Variants in SEMA3C observed in about 807,000 individuals in gnomAD.
SEMA3C encodes the protein semaphorin 3C.
A neutral mutation model predicts 89.4 loss-of-function variants in SEMA3C; 47 were observed. The ratio of observed to expected loss-of-function variants is 0.53; its 90% CI spans 0.42 to 0.67. The LOEUF is 0.67. Among genes scored for constraint, SEMA3C ranks in the 30% least tolerant of loss-of-function variants. The probability of loss-of-function intolerance (pLI) is 0.00; values close to 1 mark genes in which losing one functional copy is unlikely to be tolerated. For missense variants in SEMA3C, 839 were observed against 929.1 expected (o/e 0.90, Z 1.26); for synonymous variants, 310 against 320.2 (o/e 0.97, Z 0.34).
chr7:80,816,682 C>A (rs1789614994), intron 5 of SEMA3C, among the ~76,000 whole-genome samples: 1 of 152,088 alleles, frequency 6.6e-6, no homozygotes, highest in South Asian at 2.1e-4. Flanking sequence ...AAATCATAAC[C>A]CTGTTCATAC....
chr7:80,750,455 TATATATATATATATATATAC>T lies in SEMA3C; in HGVS notation c.1711+794_1711+813del, dbSNP rs1274295118. Among the ~76,000 whole-genome samples the T allele has an allele frequency of 4.1e-4, 25 of 61,380 alleles. No homozygotes were observed. The East Asian group carries it at 5.8e-3, about 14-fold the overall frequency. The allele number at this position is 61,380 out of a possible 152,430, so 40.3% of individuals were successfully genotyped here. A position where few individuals can be genotyped will look rare whatever the true frequency, so the allele number is the denominator to read the frequency against. ...ACGTACATATATATATATATATATATATATATATATATATATATACACACACACACACACACACACACACA... is the reference window on the plus strand; with the variant it reads ...ACGTACATATATATATATATATATATACACACACACACACACACACACACA... On this transcript the variant is annotated intron_variant, in intron 16 of 17. Transcript: ENST00000265361.
At position 80,867,719 on chromosome 7, in the gene SEMA3C, T is replaced by TACAC. The variant is rs10641992; in HGVS notation, c.104-38978_104-38975dup. ...TTTCTATATCGATATGTATAAATCA[T>TACAC]ACACACACACACACACACACATTAA... On this transcript the variant is annotated intron_variant, in intron 2 of 17. Coordinates refer to ENST00000265361, the MANE Select transcript of SEMA3C (RefSeq NM_006379.5). Among the ~76,000 whole-genome samples the TACAC allele has an allele frequency of 9.6e-3, 1,441 of 149,794 alleles. 24 individuals carry two copies. Among genetic ancestry groups the TACAC allele is most frequent in the African/African-American group, 0.031 (1,257 of 41,008 alleles).
At chr7:80,809,605 T>C (rs1241299875) in intron 6 of SEMA3C, among the ~76,000 whole-genome samples, 1 of 152,196 alleles carries the variant, frequency 6.6e-6, no homozygotes, top group East Asian at 1.9e-4. Flanking sequence ...GTATTTTTGA[T>C]AACAGCCATT....
At chr7:80,794,569 C>T (rs144067008) in intron 11 of SEMA3C, among the ~76,000 whole-genome samples, 130 of 152,194 alleles carry the variant, frequency 8.5e-4, no homozygotes, top group African/African-American at 3.0e-3. Flanking sequence ...CTATGTGGCT[C>T]ATCAATTTTC....
chr7:80,820,979 C>G (rs927761545), intron 4 of SEMA3C, among the ~76,000 whole-genome samples: 1 of 152,088 alleles, frequency 6.6e-6, no homozygotes, highest in Non-Finnish European at 1.5e-5. Context: ...TCATGAATTA[C>G]TGGTATTGGT....
intron 11 of SEMA3C, among the ~76,000 whole-genome samples, chr7:80,796,131 G>C (rs1040431455): frequency 6.6e-6 from 1 of 152,142 alleles, no homozygotes; most frequent in Non-Finnish European, 1.5e-5. Context: ...CTGCTCAAAA[G>C]AATCACTGAT....
At chr7:80,819,971 A>C (rs924221512) in intron 4 of SEMA3C, among the ~76,000 whole-genome samples, 3 of 151,792 alleles carry the variant, frequency 2.0e-5, no homozygotes, top group Non-Finnish European at 4.4e-5. Flanking sequence ...ATAAAGAAAG[A>C]CATCAAAAGT....
chr7:80,808,097 T>C (rs1195163966), intron 6 of SEMA3C, among the ~76,000 whole-genome samples: 3 of 152,154 alleles, frequency 2.0e-5, no homozygotes, highest in African/African-American at 7.2e-5. Context: ...AGAAGGCCAA[T>C]GTCTAACTCC....
intron 2 of SEMA3C, among the ~76,000 whole-genome samples, chr7:80,861,349 T>C (rs1022980628): frequency 6.6e-6 from 1 of 152,208 alleles, no homozygotes; most frequent in Non-Finnish European, 1.5e-5. Context: ...ATATATAATA[T>C]GTTTCAGTTA....
chr7:80,900,735 C>A (rs1791858390), intron 2 of SEMA3C, among the ~76,000 whole-genome samples: 1 of 152,150 alleles, frequency 6.6e-6, no homozygotes. Context: ...TGGGAGGGCC[C>A]ATTCACTACT....
chr7:80,901,090 G>A (rs1001164685), intron 2 of SEMA3C, among the ~76,000 whole-genome samples: 10 of 152,300 alleles, frequency 6.6e-5, no homozygotes, highest in South Asian at 4.1e-4. Context: ...GTGGTACAAC[G>A]AATTACTGCA....
At chr7:80,769,367 A>G (rs1259021057) in intron 12 of SEMA3C, among the ~76,000 whole-genome samples, 3 of 152,202 alleles carry the variant, frequency 2.0e-5, no homozygotes, top group Non-Finnish European at 2.9e-5. Context: ...GTTCTGATAG[A>G]TAAAACTATC....
chr7:80,757,841 C>T (rs960554583), intron 15 of SEMA3C, among the ~76,000 whole-genome samples: 3 of 152,112 alleles, frequency 2.0e-5, no homozygotes, highest in African/African-American at 7.2e-5. Context: ...GTGGTGGGCA[C>T]CTGTAATCCC....
chr7:80,890,751 G>C (rs972311754), intron 2 of SEMA3C, among the ~76,000 whole-genome samples: 1 of 152,094 alleles, frequency 6.6e-6, no homozygotes, highest in African/African-American at 2.4e-5. Flanking sequence ...TTAAAATAAC[G>C]TCCTAGCTAA....
Position 80,765,256 on chromosome 7 carries a change from A to C in SEMA3C, c.1355-13T>G. The C allele has an allele frequency of 6.3e-7, 1 of 1,587,080 alleles. No individual in the cohort carries two copies. The highest frequency in any genetic ancestry group is 1.1e-5 in the South Asian group (1 of 89,798). On this transcript the variant is annotated splice_polypyrimidine_tract_variant and intron_variant, in intron 12 of 17. Transcript: ENST00000265361. ...ACAGTACCCCGATCTAAATTAAAAA[A>C]AGAAGAAATGAGATGTTACAATACT... is the stretch of plus-strand genomic sequence containing the variant.
At chr7:80,801,658 C>G (rs1789210983) in intron 9 of SEMA3C, among the ~76,000 whole-genome samples, 2 of 151,422 alleles carry the variant, frequency 1.3e-5, no homozygotes, top group Non-Finnish European at 2.9e-5. Context: ...AATTTATAAC[C>G]ACTCAAACAA....
upstream of SEMA3C, chr7:80,919,164 C>G: frequency 1.0e-6 from 1 of 984,730 alleles, no homozygotes; most frequent in South Asian, 4.7e-5. Context: ...GCATCACCAC[C>G]GCGCAGCCCC....
intron 2 of SEMA3C, among the ~76,000 whole-genome samples, chr7:80,905,358 C>T (rs756822946): frequency 7.0e-6 from 1 of 141,960 alleles, no homozygotes; most frequent in Non-Finnish European, 1.5e-5. Flanking sequence ...GAGAGAGACA[C>T]CAAGACCCCT....
chr7:80,754,968 T>TTTTTTTTTTTTTTTTTTTTTG (rs1788032247), intron 15 of SEMA3C, among the ~76,000 whole-genome samples: 1 of 7,754 alleles, frequency 1.3e-4, no homozygotes. Flanking sequence ...TTTTTTTTTT[T>TTTTTTTTTTTTTTTTTTTTTG]TTTGTATTTT....
Sources: gnomAD v4.1 joint callset for allele counts (sites outside exome capture counted in the v4.1 genomes callset) on GRCh38, gnomAD v4.1.1 for gene constraint, MANE v1.5 for transcripts, NCBI Gene and HGNC (gene_info 2026-07-23, HGNC 2026-07-21) for gene names.